Variants in EEA1 observed in about 807,000 individuals in gnomAD.
EEA1 encodes early endosome antigen 1, 162kD.
A neutral mutation model predicts 209.2 loss-of-function variants in EEA1; 111 were observed. That is an observed-to-expected ratio of 0.53 (90% CI 0.45 to 0.62). The LOEUF (loss-of-function observed/expected upper bound fraction) is 0.62. Among genes scored for constraint, EEA1 ranks in the 20% least tolerant of loss-of-function variants. EEA1 has a pLI of 0.00. For missense variants in EEA1, 1,343 were observed against 1,530.8 expected (o/e 0.88, Z 2.05); for synonymous variants, 536 against 540.6 (o/e 0.99, Z 0.12).
intron 21 of EEA1, among the ~76,000 whole-genome samples, chr12:92,792,694 C>T (rs1159445730): frequency 6.6e-6 from 1 of 152,080 alleles, no homozygotes; most frequent in Non-Finnish European, 1.5e-5. Context: ...CTGAATTCTA[C>T]CAGAGATACA....
In EEA1 at chr12:92,778,077, CA is replaced by C; in HGVS notation, c.3756del (p.Val1253Ter). 1 of 1,613,460 alleles carries C rather than the reference CA, an allele frequency of 6.2e-7. No individual in the cohort carries two copies. The highest frequency in any genetic ancestry group is 8.5e-7 in the Non-Finnish European group (1 of 1,179,542). On this transcript the variant is annotated frameshift_variant, in exon 26 of 29. Transcript: ENST00000322349. LOFTEE classifies it high-confidence loss of function. Reference protein sequence around the residue: ...QITALNENLGTVKKEWQSSQR... With the variant: ...QITALNENLGXVKKEWQSSQR... ...TGACTAGATTGCCACTCCTTCTTCA[CA>C]GTGCCTAAGTTTTCATTTAATGCTG...
At chr12:92,815,936 A>C (rs1445313467) in intron 15 of EEA1, among the ~76,000 whole-genome samples, 6 of 151,712 alleles carry the variant, frequency 4.0e-5, no homozygotes, top group Non-Finnish European at 8.8e-5. Flanking sequence ...AGAGACAGAG[A>C]GACAGAGACA....
At chr12:92,912,655 C>T (rs1378904009) in intron 1 of EEA1, among the ~76,000 whole-genome samples, 1 of 152,110 alleles carries the variant, frequency 6.6e-6, no homozygotes, top group Non-Finnish European at 1.5e-5. Flanking sequence ...AGTGTACCCA[C>T]CACCCTAATA....
chr12:92,819,523 T>A lies in EEA1; in HGVS notation c.1525-12A>T. ...TGTTCCAAATCATTCTGTAAAGAAT[T>A]GAAAACTACTACTTTAAGAATAGAG... On this transcript the variant is annotated splice_polypyrimidine_tract_variant and intron_variant, in intron 13 of 28. Transcript: ENST00000322349. 1 of 1,553,676 alleles carries A rather than the reference T, an allele frequency of 6.4e-7. No homozygotes were observed. Among genetic ancestry groups the A allele is most frequent in the Non-Finnish European group, 8.7e-7 (1 of 1,148,268 alleles).
At chr12:92,900,893 T>A (rs554347199) in intron 1 of EEA1, among the ~76,000 whole-genome samples, 16 of 152,286 alleles carry the variant, frequency 1.1e-4, no homozygotes, top group African/African-American at 3.6e-4. Flanking sequence ...GGTCTCTAAA[T>A]CCTGACCTCA....
intron 2 of EEA1, among the ~76,000 whole-genome samples, chr12:92,876,411 A>G (rs540765745): frequency 2.6e-5 from 4 of 152,226 alleles, no homozygotes; most frequent in African/African-American, 9.6e-5. Flanking sequence ...ACCCACTTGA[A>G]TGTAAGCTCC....
intron 20 of EEA1, among the ~76,000 whole-genome samples, chr12:92,799,854 A>G (rs1404183660): frequency 6.6e-6 from 1 of 152,216 alleles, no homozygotes; most frequent in Non-Finnish European, 1.5e-5. Flanking sequence ...AGTTGTCGCA[A>G]AGAATAGCTC....
At chr12:92,840,935 G>C (rs1387519360) in intron 10 of EEA1, among the ~76,000 whole-genome samples, 1 of 152,166 alleles carries the variant, frequency 6.6e-6, no homozygotes, top group Admixed American at 6.5e-5. Flanking sequence ...GAGTTCTCAT[G>C]AATGGAATTA....
chr12:92,844,769 AAAAAAATTTGCACAGGTTCCTG>A (rs1877321376), intron 9 of EEA1, among the ~76,000 whole-genome samples: 1 of 152,106 alleles, frequency 6.6e-6, no homozygotes, highest in Non-Finnish European at 1.5e-5. Flanking sequence ...ATATCTTATC[AAAAAAATTTGCACAGGTTCCTG>A]GCACATAACG....
At chr12:92,911,678 A>G (rs1420332963) in intron 1 of EEA1, among the ~76,000 whole-genome samples, 1 of 152,216 alleles carries the variant, frequency 6.6e-6, no homozygotes, top group African/African-American at 2.4e-5. Flanking sequence ...AATCATAACA[A>G]ATGTACCACT....
At chr12:92,813,800 GTCAAGCGA>G (rs1306951675) in intron 15 of EEA1, among the ~76,000 whole-genome samples, 1 of 152,080 alleles carries the variant, frequency 6.6e-6, no homozygotes, top group Non-Finnish European at 1.5e-5. Context: ...AGATCACAAG[GTCAAGCGA>G]TCGAGACTAT....
At chr12:92,865,956 G>T (rs1329532320) in intron 2 of EEA1, among the ~76,000 whole-genome samples, 1 of 150,064 alleles carries the variant, frequency 6.7e-6, no homozygotes, top group Non-Finnish European at 1.5e-5. Flanking sequence ...CGCCATGTTG[G>T]CCCGGTGGTC....
At chr12:92,821,515 G>A (rs1270703867) in intron 13 of EEA1, among the ~76,000 whole-genome samples, 1 of 152,028 alleles carries the variant, frequency 6.6e-6, no homozygotes, top group Admixed American at 6.6e-5. Context: ...TCTAAGCACT[G>A]TAAAATCACA....
chr12:92,833,420 C>T (rs1876754180), intron 10 of EEA1, among the ~76,000 whole-genome samples: 2 of 152,026 alleles, frequency 1.3e-5, no homozygotes, highest in Admixed American at 1.3e-4. Context: ...AATCACCTGC[C>T]TTAAATTTTG....
At chr12:92,887,035 G>A (rs377032921) in intron 2 of EEA1, among the ~76,000 whole-genome samples, 1 of 151,438 alleles carries the variant, frequency 6.6e-6, no homozygotes, top group Non-Finnish European at 1.5e-5. Flanking sequence ...CAAAAACAAA[G>A]AAAAAAAGAA....
At chr12:92,886,584 G>T (rs1355219281) in intron 2 of EEA1, among the ~76,000 whole-genome samples, 1 of 86,044 alleles carries the variant, frequency 1.2e-5, no homozygotes, top group African/African-American at 4.8e-5. Context: ...AGGGAGGGGA[G>T]GGGAGAGAAG....
At chr12:92,888,595 C>A (rs11106733) in intron 2 of EEA1, among the ~76,000 whole-genome samples, 51,850 of 125,000 alleles carry the variant, frequency 0.41, 10,246 homozygotes, top group East Asian at 0.85. Context: ...AACAAACAAA[C>A]AAAAAAAAAA....
At chr12:92,898,993 G>A (rs1483842958) in intron 1 of EEA1, among the ~76,000 whole-genome samples, 1 of 151,270 alleles carries the variant, frequency 6.6e-6, no homozygotes, top group African/African-American at 2.4e-5. Flanking sequence ...TTTAGAGATG[G>A]AGGAGGCAAT....
At chr12:92,904,100 T>C (rs1880268088) in intron 1 of EEA1, among the ~76,000 whole-genome samples, 1 of 151,946 alleles carries the variant, frequency 6.6e-6, no homozygotes, top group Non-Finnish European at 1.5e-5. Flanking sequence ...GTAGCTGGGA[T>C]TACAGGCATG....
Sources: allele counts gnomAD v4.1 joint callset (sites outside exome capture counted in the v4.1 genomes callset), GRCh38; gene constraint gnomAD v4.1.1; transcripts MANE v1.5; gene names NCBI Gene and HGNC (gene_info 2026-07-23, HGNC 2026-07-21).